Variants in PHKB observed in about 807,000 individuals in gnomAD.
The protein encoded by PHKB is phosphorylase kinase regulatory subunit beta, also known as phosphorylase b kinase regulatory subunit beta.
Under a neutral mutation model 152.1 loss-of-function variants are expected in PHKB, and 122 were observed. That is an observed-to-expected ratio of 0.80 (90% CI 0.69 to 0.93). The LOEUF (loss-of-function observed/expected upper bound fraction) is 0.93, where lower values mean the gene tolerates loss of function less well. Among genes scored for constraint, PHKB ranks in the 40% least tolerant of loss-of-function variants. The pLI is 0.00. For missense variants in PHKB, 1,304 were observed against 1,328.4 expected (o/e 0.98, Z 0.29); for synonymous variants, 436 against 464.9 (o/e 0.94, Z 0.80).
intron 23 of PHKB, 69 bp downstream of exon 23, chr16:47,661,869 A>G: frequency 1.1e-6 from 1 of 928,618 alleles, no homozygotes. Flanking sequence ...TCAAATATGC[A>G]TAAGCTATCC....
In PHKB at chr16:47,700,727, AT is replaced by A. The variant is rs1170580106; in HGVS notation, c.*1362del. The A allele has an allele frequency of 1.3e-5, 2 of 152,168 alleles. No homozygotes were observed. Among genetic ancestry groups the A allele is most frequent in the Non-Finnish European group, 2.9e-5 (2 of 68,020 alleles). 9.4% of individuals were successfully genotyped at this position (152,168 alleles called of 1,614,324 possible). The stretch of plus-strand genomic sequence containing the variant: ...CCAAAGAGAGTTGTTTTTCTGATCA[AT>A]CTTACTGGAGTTTCACCTGAGAAGA... On this transcript the variant is annotated 3_prime_UTR_variant, in exon 31 of 31. Transcript: ENST00000323584.
At chr16:47,533,554 G>A (rs148400579) in intron 6 of PHKB, among the ~76,000 whole-genome samples, 36 of 152,294 alleles carry the variant, frequency 2.4e-4, no homozygotes, top group African/African-American at 7.9e-4. Flanking sequence ...GGAGGGGGCC[G>A]AGGCTGCAGG....
chr16:47,685,613 T>C (rs1267283738), intron 26 of PHKB, among the ~76,000 whole-genome samples: 4 of 152,206 alleles, frequency 2.6e-5, no homozygotes, highest in Non-Finnish European at 5.9e-5. Context: ...TCTGTAGATT[T>C]CTGACTGCTA....
intron 7 of PHKB, among the ~76,000 whole-genome samples, chr16:47,578,839 G>A (rs565154753): frequency 6.6e-6 from 1 of 152,232 alleles, no homozygotes; most frequent in Admixed American, 6.5e-5. Flanking sequence ...ATGGATGGGG[G>A]TAGGGTAAAG....
At position 47,574,043 on chromosome 16, in the gene PHKB, C is replaced by T. The variant is rs938470352; in HGVS notation, c.711-6252C>T. The stretch of plus-strand genomic sequence containing the variant: ...CAAGCGATTCTCCTGTCTCAGCCTC[C>T]TGAGTAGCTGAGATTACAGGCATGC... On this transcript the variant is annotated intron_variant, in intron 7 of 30. Transcript: ENST00000323584. 3.9e-5 allele frequency among the ~76,000 whole-genome samples: 6 copies of T among 152,196 alleles called. No homozygotes were observed. In the East Asian group the frequency reaches 5.8e-4, roughly 15 times the overall value.
intron 7 of PHKB, among the ~76,000 whole-genome samples, chr16:47,567,437 T>A (rs1971588392): frequency 6.6e-6 from 1 of 152,216 alleles, no homozygotes; most frequent in African/African-American, 2.4e-5. Context: ...GGGAGTCTTT[T>A]AGAGGAGTCT....
chr16:47,502,243 C>CTA (rs772949597), intron 3 of PHKB, among the ~76,000 whole-genome samples: 75 of 152,068 alleles, frequency 4.9e-4, no homozygotes, highest in Non-Finnish European at 6.3e-4. Flanking sequence ...TTCTCATCCA[C>CTA]CTTTGGAAAG....
At chr16:47,603,215 G>C (rs1464156856) in intron 13 of PHKB, among the ~76,000 whole-genome samples, 1 of 152,142 alleles carries the variant, frequency 6.6e-6, no homozygotes, top group East Asian at 1.9e-4. Flanking sequence ...GACTCTTCAG[G>C]ATAGCACGTG....
At chr16:47,699,147 C>T (rs1359529364) in intron 30 of PHKB, 82 bp from the exon 31 acceptor site, 2 of 1,265,784 alleles carry the variant, frequency 1.6e-6, no homozygotes, top group East Asian at 4.6e-5. Flanking sequence ...ATTTATTTTT[C>T]CCCCTAAGCT....
In PHKB at chr16:47,502,495, C is replaced by T. The variant is rs1488110785; in HGVS notation, c.306-496C>T. On this transcript the variant is annotated intron_variant, in intron 3 of 30. Coordinates refer to ENST00000323584, the MANE Select transcript of PHKB (RefSeq NM_000293.3). ...TCCTGGATGTGTGTTTAGTTGAAGG[C>T]ATCCTTGACTATGACTAAATGCCTG... 2.0e-5 allele frequency among the ~76,000 whole-genome samples: 3 copies of T among 152,186 alleles called. No individual in the cohort carries two copies. In the East Asian group the frequency reaches 5.8e-4, roughly 29 times the overall value.
chr16:47,660,128 C>G (rs1973412213), intron 20 of PHKB, among the ~76,000 whole-genome samples: 1 of 152,192 alleles, frequency 6.6e-6, no homozygotes, highest in Non-Finnish European at 1.5e-5. Flanking sequence ...CCCCAAAGTG[C>G]TGGGATTACG....
chr16:47,639,132 G>A (rs1396569060), intron 14 of PHKB, among the ~76,000 whole-genome samples: 1 of 152,082 alleles, frequency 6.6e-6, no homozygotes, highest in Non-Finnish European at 1.5e-5. Context: ...AAATTAGCCA[G>A]GTGTGGTGGT....
rs1971744134 is a variant in PHKB at position 47,576,057 on chromosome 16, CAA to C, written c.711-4237_711-4236del. 2.6e-5 allele frequency among the ~76,000 whole-genome samples: 4 copies of C among 152,158 alleles called. No homozygotes were observed. The South Asian group carries it at 8.3e-4, about 32-fold the overall frequency. ...CGCCATTGCACTCCAGCTTGGGCAA[CAA>C]GAGCGAAACTCTGTCTCAAAAAACA... On this transcript the variant is annotated intron_variant, in intron 7 of 30. Transcript: ENST00000323584.
At chr16:47,541,500 G>C (rs1971058193) in intron 6 of PHKB, among the ~76,000 whole-genome samples, 1 of 152,094 alleles carries the variant, frequency 6.6e-6, no homozygotes, top group African/African-American at 2.4e-5. Flanking sequence ...ATAATCCTTT[G>C]GGAATATACC....
At chr16:47,696,231 CAT>C (rs1437252394) in intron 28 of PHKB, 148 bp from the exon 29 acceptor site, 1 of 683,374 alleles carries the variant, frequency 1.5e-6, no homozygotes, top group Admixed American at 2.1e-5. Flanking sequence ...AGTAGTTTGA[CAT>C]ATATAAAATC....
In PHKB at chr16:47,663,803, G is replaced by A. The variant is rs922149486; in HGVS notation, c.2336+69G>A. ...TTATATTCGATAGCCTAAAGAAAAT[G>A]GACCAATATTAAAGATAGTTATTCA... is the stretch of plus-strand genomic sequence containing the variant. On this transcript the variant is annotated intron_variant, in intron 24 of 30. Coordinates refer to ENST00000323584, the MANE Select transcript of PHKB (RefSeq NM_000293.3). 5.5e-6 allele frequency: 5 copies of A among 909,920 alleles called. No homozygotes were observed. The African/African-American group carries it at 6.5e-5, about 12-fold the overall frequency. 56.4% of individuals were successfully genotyped at this position (909,920 alleles called of 1,614,324 possible).
intron 14 of PHKB, among the ~76,000 whole-genome samples, chr16:47,615,382 C>T (rs967753031): frequency 2.6e-5 from 4 of 152,100 alleles, no homozygotes; most frequent in Non-Finnish European, 4.4e-5. Context: ...GGCCCATCAG[C>T]GCTGTGGTTG....
At chr16:47,524,220 G>A (rs1340705667) in intron 6 of PHKB, among the ~76,000 whole-genome samples, 6 of 152,090 alleles carry the variant, frequency 3.9e-5, no homozygotes, top group Admixed American at 6.5e-5. Flanking sequence ...CTGCTGTTCC[G>A]TGATTTGGAT....
At chr16:47,652,735 T>G (rs1358360685) in intron 20 of PHKB, among the ~76,000 whole-genome samples, 1 of 151,748 alleles carries the variant, frequency 6.6e-6, no homozygotes, top group African/African-American at 2.4e-5. Flanking sequence ...CTCGACCACC[T>G]AAGCTCAAGG....
Sources: gnomAD v4.1 joint callset for allele counts (sites outside exome capture counted in the v4.1 genomes callset) on GRCh38, gnomAD v4.1.1 for gene constraint, MANE v1.5 for transcripts, NCBI Gene and HGNC (gene_info 2026-07-23, HGNC 2026-07-21) for gene names.